The following SPAST variants were observed in gnomAD, a reference collection of about 807,000 sequenced individuals.
SPAST encodes the protein spastic paraplegia 4 (autosomal dominant; spastin).
A neutral mutation model predicts 76.6 loss-of-function variants in SPAST; 30 were observed. The ratio of observed to expected loss-of-function variants is 0.39; its 90% CI spans 0.29 to 0.53. SPAST has a LOEUF of 0.53. Ranked by LOEUF, SPAST falls within the 20% of genes least tolerant of loss-of-function variation. The probability of loss-of-function intolerance (pLI) is 0.68; values close to 1 mark genes in which losing one functional copy is unlikely to be tolerated. For synonymous variants in SPAST, 305 were observed against 281.0 expected (o/e 1.09, Z -0.86); for missense variants, 717 against 770.5 (o/e 0.93, Z 0.82).
chr2:32,089,218 T>TTTTTTTGTTTTTTTTTTTTTTC (rs375850129), intron 2 of SPAST, among the ~76,000 whole-genome samples: 1 of 129,974 alleles, frequency 7.7e-6, no homozygotes, highest in Non-Finnish European at 1.6e-5. Context: ...TTTTTTTTTT[T>TTTTTTTGTTTTTTTTTTTTTTC]AAGTAGAGAC....
chr2:32,064,289 A>AG, intron 1 of SPAST, 43 bp downstream of exon 1: 33 of 307,890 alleles, frequency 1.1e-4, no homozygotes, highest in Admixed American at 4.3e-4. Context: ...GCCGGGAAGA[A>AG]GGCGGTGGGG....
chr2:32,071,154 C>T (rs1676733938), intron 1 of SPAST, among the ~76,000 whole-genome samples: 1 of 152,118 alleles, frequency 6.6e-6, no homozygotes, highest in African/African-American at 2.4e-5. Flanking sequence ...TCCTGGGTAA[C>T]ACAATGGTGG....
intron 1 of SPAST, among the ~76,000 whole-genome samples, chr2:32,066,994 C>CAAAAAA (rs1553395256): frequency 2.1e-5 from 1 of 47,106 alleles, no homozygotes; most frequent in Non-Finnish European, 4.6e-5. Flanking sequence ...AAAAAAAAAC[C>CAAAAAA]AAAAAAAAAA....
chr2:32,153,516 A>G (rs1680156709), intron 16 of SPAST, among the ~76,000 whole-genome samples: 1 of 151,598 alleles, frequency 6.6e-6, no homozygotes, highest in African/African-American at 2.4e-5. Context: ...GGGTTTCACC[A>G]TGTTGGCCAG....
chr2:32,090,918 T>A (rs1300960203), intron 3 of SPAST, among the ~76,000 whole-genome samples: 1 of 152,222 alleles, frequency 6.6e-6, no homozygotes, highest in African/African-American at 2.4e-5. Flanking sequence ...AGTTGTTCCA[T>A]CTTGTGAGGT....
chr2:32,078,139 C>T (rs919894504), intron 1 of SPAST, among the ~76,000 whole-genome samples: 31 of 152,002 alleles, frequency 2.0e-4, no homozygotes, highest in African/African-American at 3.9e-4. Flanking sequence ...TACAGGCGCC[C>T]GCCACTACGC....
At chr2:32,134,622 C>T (rs1679475319) in intron 9 of SPAST, among the ~76,000 whole-genome samples, 1 of 151,756 alleles carries the variant, frequency 6.6e-6, no homozygotes, top group African/African-American at 2.4e-5. Context: ...GTTATTAAAG[C>T]ATGTTTACCC....
intron 9 of SPAST, among the ~76,000 whole-genome samples, chr2:32,133,530 C>G (rs995661328): frequency 6.6e-6 from 1 of 152,132 alleles, no homozygotes; most frequent in Non-Finnish European, 1.5e-5. Context: ...TGGCTTCTTT[C>G]ATCAGCATTG....
chr2:32,064,431 C>T (rs1676428650), intron 1 of SPAST, among the ~76,000 whole-genome samples, 185 bp downstream of exon 1: 1 of 152,164 alleles, frequency 6.6e-6, no homozygotes, highest in East Asian at 1.9e-4. Context: ...AAAACCTCTC[C>T]CCTTTCAGGG....
intron 1 of SPAST, among the ~76,000 whole-genome samples, chr2:32,074,226 C>T (rs1676862503): frequency 6.6e-6 from 1 of 152,094 alleles, no homozygotes; most frequent in Non-Finnish European, 1.5e-5. Context: ...GAAGAAAAGA[C>T]TAGAGTGAGG....
chr2:32,150,502 A>T (rs905297293), intron 16 of SPAST, among the ~76,000 whole-genome samples: 1 of 151,752 alleles, frequency 6.6e-6, no homozygotes, highest in African/African-American at 2.4e-5. Context: ...CAGTGGTACA[A>T]TCATGGCTCA....
intron 4 of SPAST, among the ~76,000 whole-genome samples, chr2:32,102,160 G>T (rs1424100841): frequency 6.6e-6 from 1 of 152,136 alleles, no homozygotes; most frequent in Non-Finnish European, 1.5e-5. Flanking sequence ...TTGAGCAGTG[G>T]TTTGTAGTTC....
At chr2:32,074,531 A>T (rs1337447302) in intron 1 of SPAST, among the ~76,000 whole-genome samples, 1 of 151,082 alleles carries the variant, frequency 6.6e-6, no homozygotes, top group African/African-American at 2.4e-5. Context: ...TTTAAAATAG[A>T]GTCTGGCTCT....
chr2:32,125,430 T>A (rs1679157276), intron 7 of SPAST, among the ~76,000 whole-genome samples: 1 of 151,952 alleles, frequency 6.6e-6, no homozygotes, highest in East Asian at 1.9e-4. Flanking sequence ...TCCATGTTGG[T>A]CAGGCTGGTC....
At chr2:32,107,410 C>T (rs1678366934) in intron 4 of SPAST, among the ~76,000 whole-genome samples, 1 of 152,056 alleles carries the variant, frequency 6.6e-6, no homozygotes, top group Admixed American at 6.6e-5. Context: ...TGCCACCACA[C>T]CCAACTAATT....
intron 16 of SPAST, among the ~76,000 whole-genome samples, chr2:32,151,491 C>T (rs895515355): frequency 4.6e-5 from 7 of 152,094 alleles, no homozygotes; most frequent in African/African-American, 1.2e-4. Flanking sequence ...TGGGATGAGA[C>T]GTAAACACAA....
At chr2:32,127,348 C>T (rs1679229902) in intron 8 of SPAST, 2 of 340,384 alleles carry the variant, frequency 5.9e-6, no homozygotes, top group South Asian at 5.3e-5. Context: ...GAACTCCTGA[C>T]CTCAAGCAGT....
intron 7 of SPAST, among the ~76,000 whole-genome samples, chr2:32,125,004 A>G (rs1160682913): frequency 6.6e-6 from 1 of 152,188 alleles, no homozygotes; most frequent in Non-Finnish European, 1.5e-5. Flanking sequence ...AATATAAAAC[A>G]TAAGAGTGAA....
chr2:32,120,095 C>T (rs1390012705), intron 7 of SPAST, among the ~76,000 whole-genome samples: 4 of 151,978 alleles, frequency 2.6e-5, no homozygotes, highest in East Asian at 1.9e-4. Flanking sequence ...AGTGATCCTC[C>T]TGTCTCAGCC....
Sources: allele counts gnomAD v4.1 joint callset (sites outside exome capture counted in the v4.1 genomes callset), GRCh38; gene constraint gnomAD v4.1.1; transcripts MANE v1.5; gene names NCBI Gene and HGNC (gene_info 2026-07-23, HGNC 2026-07-21).